The following TENM3 variants were observed in gnomAD, a reference collection of about 807,000 sequenced individuals.
The protein encoded by TENM3 is teneurin transmembrane protein 3, also known as teneurin-3.
TENM3 carries 63 observed loss-of-function variants against 255.1 expected under a neutral mutation model. The observed-to-expected ratio is 0.25, with a 90% CI of 0.20 to 0.30. The LOEUF (loss-of-function observed/expected upper bound fraction) is 0.30. TENM3 is among the 10% of genes least tolerant of loss of function. TENM3 has a pLI of 1.00. For synonymous variants in TENM3, 1,306 were observed against 1,322.3 expected, an observed-to-expected ratio of 0.99 and a Z score of 0.27; for missense variants, 2,929 against 3,461.1, an observed-to-expected ratio of 0.85 and a Z score of 3.86.
chr4:182,368,619 G>A (rs552568912), intron 3 of TENM3, among the ~76,000 whole-genome samples: 4 of 152,282 alleles, frequency 2.6e-5, no homozygotes, highest in African/African-American at 9.6e-5. Flanking sequence ...ATATAGTGTA[G>A]CCTTAAAATG....
chr4:181,996,847 G>A, the TENM3 span, among the ~76,000 whole-genome samples: 2 of 152,178 alleles, frequency 1.3e-5, no homozygotes, highest in African/African-American at 4.8e-5. Flanking sequence ...ATCAATGGTA[G>A]TGGGATTGAC....
In TENM3 at chr4:182,466,167, A is replaced by G. The variant is rs1368271666; in HGVS notation, c.511+119238A>G. On this transcript the variant is annotated intron_variant, in intron 3 of 27. Transcript: ENST00000511685. ...ACTGGGTTTTTATGCATTTAAGGGT[A>G]TGATTGTTCCCTAGGGCTCCCATAA... Among the ~76,000 whole-genome samples the G allele has an allele frequency of 2.0e-5, 3 of 152,220 alleles. No individual in the cohort carries two copies. In the East Asian group the frequency reaches 5.8e-4, roughly 29 times the overall value.
At chr4:182,604,769 A>G (rs189783355) in intron 4 of TENM3, among the ~76,000 whole-genome samples, 1 of 152,324 alleles carries the variant, frequency 6.6e-6, no homozygotes, top group African/African-American at 2.4e-5. Flanking sequence ...TATGAAGCCT[A>G]CTTTGGCATG....
At position 182,540,612 on chromosome 4, in the gene TENM3, A is replaced by G. The variant is rs565295815; in HGVS notation, c.512-60312A>G. Reference sequence around the variant, plus strand: ...AAAAAAAAAATTTTTCACTTAAAAAATATTTATCCAGTGAACCCGTGTGTC... The same window carrying G: ...AAAAAAAAAATTTTTCACTTAAAAAGTATTTATCCAGTGAACCCGTGTGTC... On this transcript the variant is annotated intron_variant, in intron 3 of 27. Coordinates refer to ENST00000511685, the MANE Select transcript of TENM3 (RefSeq NM_001080477.4). Among the ~76,000 whole-genome samples the G allele has an allele frequency of 1.1e-4, 17 of 152,288 alleles. No individual in the cohort carries two copies. The South Asian group carries it at 3.3e-3, about 30-fold the overall frequency.
intron 1 of TENM3, among the ~76,000 whole-genome samples, chr4:182,178,014 GTGT>G (rs1752619168): frequency 7.3e-6 from 1 of 137,426 alleles, no homozygotes; most frequent in Non-Finnish European, 1.5e-5. Context: ...CTCTTCCAAA[GTGT>G]TGTATGTATG....
chr4:181,913,837 A>T, the TENM3 span, among the ~76,000 whole-genome samples: 2 of 152,210 alleles, frequency 1.3e-5, no homozygotes, highest in Non-Finnish European at 2.9e-5. Context: ...TGGATTTTAA[A>T]GGAAGTTAAC....
chr4:181,696,558 CTTTA>C, the TENM3 span, among the ~76,000 whole-genome samples: 2 of 152,208 alleles, frequency 1.3e-5, no homozygotes, highest in Non-Finnish European at 2.9e-5. Context: ...ATATAGACTA[CTTTA>C]TTTGTCTCTT....
chr4:182,548,091 G>A (rs145634854), intron 3 of TENM3, among the ~76,000 whole-genome samples: 1 of 152,080 alleles, frequency 6.6e-6, no homozygotes, highest in East Asian at 1.9e-4. Context: ...ACGCATGGTA[G>A]TGTACACCTG....
chr4:182,741,305 CAT>C (rs1468420442), intron 18 of TENM3, among the ~76,000 whole-genome samples: 4 of 152,166 alleles, frequency 2.6e-5, no homozygotes, highest in Non-Finnish European at 4.4e-5. Context: ...TCCAAAGTGA[CAT>C]GTGTCTAATT....
Position 182,228,357 on chromosome 4 carries a change from A to AATGT in TENM3, c.-76+83604_-76+83607dup, listed in dbSNP as rs774826125. Reference sequence around the variant, plus strand: ...ACCTTAAATATATATAATGTAATGTAATGTGTGTGTGTGTGTGTGTGTGTG... The same window carrying AATGT: ...ACCTTAAATATATATAATGTAATGTAATGTATGTGTGTGTGTGTGTGTGTGTGTG... On this transcript the variant is annotated intron_variant, in intron 1 of 2. Transcript: ENST00000512480. Among the ~76,000 whole-genome samples the AATGT allele has an allele frequency of 4.6e-3, 298 of 64,142 alleles. 14 individuals are homozygous for AATGT. Among genetic ancestry groups the AATGT allele is most frequent in the Non-Finnish European group, 6.0e-3 (219 of 36,640 alleles). 42.1% of individuals were successfully genotyped at this position (64,142 alleles called of 152,430 possible).
In TENM3 at chr4:182,731,694, G is replaced by GGTGTGT. The variant is rs70956536; in HGVS notation, c.2967+594_2967+599dup. 2.5e-3 allele frequency among the ~76,000 whole-genome samples: 313 copies of GGTGTGT among 124,742 alleles called. 2 individuals are homozygous for GGTGTGT. The highest frequency in any genetic ancestry group is 4.8e-3 in the Middle Eastern group (1 of 208). The allele number at this position is 124,742 out of a possible 152,430, so 81.8% of individuals were successfully genotyped here. ...AGAATGAATATATAGTGGGTGTTGGGGTGTGTGTGTGTGTGTGTGTGTGTG... is the reference window on the plus strand; with the variant it reads ...AGAATGAATATATAGTGGGTGTTGGGGTGTGTGTGTGTGTGTGTGTGTGTGTGTGTG... On this transcript the variant is annotated intron_variant, in intron 16 of 27. Transcript: ENST00000511685.
chr4:181,863,663 A>T, the TENM3 span, among the ~76,000 whole-genome samples: 135,283 of 151,976 alleles, frequency 0.89, 60,865 homozygotes, highest in Middle Eastern at 0.95. Flanking sequence ...TAAGGGTAGT[A>T]GGCCACAGGC....
chr4:182,752,326 G>A (rs1020529278), intron 20 of TENM3, among the ~76,000 whole-genome samples: 1 of 151,896 alleles, frequency 6.6e-6, no homozygotes, highest in Non-Finnish European at 1.5e-5. Context: ...TATAATTCAG[G>A]CCACATCCTG....
chr4:182,553,494 C>T (rs539080992), intron 3 of TENM3, among the ~76,000 whole-genome samples: 36 of 150,410 alleles, frequency 2.4e-4, no homozygotes, highest in African/African-American at 7.8e-4. Context: ...CAAATCTGCA[C>T]GTTGTGCACA....
chr4:182,319,883 C>T (rs769895947), intron 1 of TENM3, among the ~76,000 whole-genome samples: 7 of 152,140 alleles, frequency 4.6e-5, no homozygotes, highest in African/African-American at 9.7e-5. Flanking sequence ...GAGGCCAAGG[C>T]GGGCAGATCA....
the TENM3 span, among the ~76,000 whole-genome samples, chr4:181,637,943 G>T: frequency 5.3e-5 from 8 of 152,116 alleles, no homozygotes; most frequent in South Asian, 6.2e-4. Flanking sequence ...GAATGACAGG[G>T]TATATCCTGC....
chr4:182,173,824 G>A (rs1752264786), intron 1 of TENM3, among the ~76,000 whole-genome samples: 1 of 152,166 alleles, frequency 6.6e-6, no homozygotes, highest in African/African-American at 2.4e-5. Context: ...AGTATCTCCA[G>A]GAGGTTTAAA....
chr4:182,311,782 G>A (rs1007772799), intron 1 of TENM3, among the ~76,000 whole-genome samples: 1 of 152,176 alleles, frequency 6.6e-6, no homozygotes, highest in Admixed American at 6.5e-5. Flanking sequence ...CCAGCACTTA[G>A]GGAAATCACA....
the TENM3 span, among the ~76,000 whole-genome samples, chr4:181,528,038 TTC>T: frequency 6.6e-6 from 1 of 152,078 alleles, no homozygotes; most frequent in Non-Finnish European, 1.5e-5. Flanking sequence ...GAGGATAAAA[TTC>T]TCTGTGTAAG....
Sources: gnomAD v4.1 joint callset for allele counts (sites outside exome capture counted in the v4.1 genomes callset) on GRCh38, gnomAD v4.1.1 for gene constraint, MANE v1.5 for transcripts, NCBI Gene and HGNC (gene_info 2026-07-23, HGNC 2026-07-21) for gene names.